Variants in EPCIP observed in about 807,000 individuals in gnomAD.
EPCIP encodes exosomal polycystin-1-interacting protein.
chr21:32,791,846 A>C, the EPCIP span, among the ~76,000 whole-genome samples: 9 of 152,080 alleles, frequency 5.9e-5, no homozygotes, highest in African/African-American at 9.7e-5. Flanking sequence ...TAATGTTTCA[A>C]ATTCATTCCA....
At chr21:32,812,490 C>G in the EPCIP span, among the ~76,000 whole-genome samples, 3 of 152,160 alleles carry the variant, frequency 2.0e-5, no homozygotes, top group African/African-American at 7.2e-5. Context: ...AAATCCAAGT[C>G]AGCTCTTGAA....
At chr21:32,796,539 TG>T in the EPCIP span, among the ~76,000 whole-genome samples, 3 of 152,228 alleles carry the variant, frequency 2.0e-5, no homozygotes, top group Non-Finnish European at 4.4e-5. Flanking sequence ...GTATCTATTT[TG>T]AAGTTGGCAC....
At chr21:32,799,007 G>A in the EPCIP span, 1 of 152,038 alleles carries the variant, frequency 6.6e-6, no homozygotes, top group East Asian at 1.9e-4. Flanking sequence ...AACCAAATAA[G>A]TAAATAAATA....
the EPCIP span, chr21:32,813,608 G>C: frequency 1.1e-5 from 5 of 471,032 alleles, no homozygotes; most frequent in African/African-American, 8.0e-5. Context: ...GAGTTCCACC[G>C]TGAGGCCTCG....
the EPCIP span, among the ~76,000 whole-genome samples, chr21:32,795,207 C>T: frequency 1.3e-5 from 2 of 152,192 alleles, no homozygotes; most frequent in South Asian, 4.1e-4. Flanking sequence ...GACTTAGCTA[C>T]TCTTATGCCA....
the EPCIP span, chr21:32,794,234 C>T: frequency 1.6e-5 from 26 of 1,614,156 alleles, no homozygotes; most frequent in Non-Finnish European, 2.1e-5. Context: ...GACGGTTTTA[C>T]AGTTGCACAT....
At chr21:32,809,273 C>CTCCCTCCTTCCT in the EPCIP span, among the ~76,000 whole-genome samples, 5 of 76,328 alleles carry the variant, frequency 6.6e-5, no homozygotes, top group African/African-American at 2.2e-4. Flanking sequence ...TCTTCCCTCC[C>CTCCCTCCTTCCT]TCCTTCCTTT....
At chr21:32,801,775 G>A in the EPCIP span, among the ~76,000 whole-genome samples, 1 of 152,040 alleles carries the variant, frequency 6.6e-6, no homozygotes, top group African/African-American at 2.4e-5. Flanking sequence ...CCTGGGAGGC[G>A]GAGGTTGCAG....
the EPCIP span, among the ~76,000 whole-genome samples, chr21:32,808,377 A>G: frequency 6.6e-6 from 1 of 152,008 alleles, no homozygotes; most frequent in Non-Finnish European, 1.5e-5. Flanking sequence ...CAGATCTTCC[A>G]CTTAACAGTC....
chr21:32,792,475 G>C, the EPCIP span, among the ~76,000 whole-genome samples: 1 of 152,078 alleles, frequency 6.6e-6, no homozygotes. Context: ...CCCTAATGTA[G>C]TTAAACATAG....
the EPCIP span, among the ~76,000 whole-genome samples, chr21:32,804,275 T>TTTTATA: frequency 2.1e-5 from 3 of 140,960 alleles, no homozygotes; most frequent in African/African-American, 8.0e-5. Flanking sequence ...ATGCATGTGA[T>TTTTATA]TATATATATA....
At chr21:32,797,163 G>C in the EPCIP span, 1 of 328,844 alleles carries the variant, frequency 3.0e-6, no homozygotes, top group Non-Finnish European at 6.2e-6. Context: ...GGCTCACTAA[G>C]AGGGCACCAA....
At chr21:32,800,550 G>T in the EPCIP span, among the ~76,000 whole-genome samples, 1 of 152,216 alleles carries the variant, frequency 6.6e-6, no homozygotes, top group Non-Finnish European at 1.5e-5. Context: ...GGGTGTGGTG[G>T]CTCACGCCTG....
the EPCIP span, among the ~76,000 whole-genome samples, chr21:32,809,295 T>TCTTTCTTTCTTTCTTC: frequency 7.8e-6 from 1 of 128,690 alleles, no homozygotes; most frequent in Non-Finnish European, 1.6e-5. Context: ...TTTCTTTCTT[T>TCTTTCTTTCTTTCTTC]CTTTCTTTCT....
the EPCIP span, among the ~76,000 whole-genome samples, chr21:32,803,178 C>T: frequency 1.3e-5 from 2 of 152,206 alleles, no homozygotes; most frequent in Non-Finnish European, 2.9e-5. Context: ...TCTTTTCTTT[C>T]CAGGAGCCAG....
At chr21:32,796,034 C>CTCCT in the EPCIP span, among the ~76,000 whole-genome samples, 1,313 of 148,558 alleles carry the variant, frequency 8.8e-3, 10 homozygotes, top group Middle Eastern at 0.021. Flanking sequence ...CCTTCCTTCC[C>CTCCT]TCCTTCCTTC....
chr21:32,812,954 C>T, the EPCIP span, among the ~76,000 whole-genome samples: 2 of 152,072 alleles, frequency 1.3e-5, no homozygotes, highest in Admixed American at 6.5e-5. Flanking sequence ...TTTAAAAACA[C>T]GAACTATCCA....
the EPCIP span, among the ~76,000 whole-genome samples, chr21:32,807,297 A>G: frequency 1.3e-5 from 2 of 150,138 alleles, no homozygotes; most frequent in South Asian, 2.1e-4. Context: ...TGCTAAGCCA[A>G]TGAGGCATGT....
At chr21:32,809,300 C>CTTTCT in the EPCIP span, among the ~76,000 whole-genome samples, 1 of 125,052 alleles carries the variant, frequency 8.0e-6, no homozygotes, top group African/African-American at 2.9e-5. Context: ...TTCTTTCTTT[C>CTTTCT]TTTCTTTCTT....
Sources: allele counts gnomAD v4.1 joint callset (sites outside exome capture counted in the v4.1 genomes callset), GRCh38; gene constraint gnomAD v4.1.1; transcripts MANE v1.5; gene names NCBI Gene and HGNC (gene_info 2026-07-23, HGNC 2026-07-21).